GPHN: variants seen among roughly 807,000 people sequenced by gnomAD.
GPHN encodes gephyrin.
A neutral mutation model predicts 95.5 loss-of-function variants in GPHN; 17 were observed. That is an observed-to-expected ratio of 0.18 (90% confidence interval 0.12 to 0.27). The LOEUF (loss-of-function observed/expected upper bound fraction) is 0.27. Ranked by LOEUF, GPHN falls within the 10% of genes least tolerant of loss-of-function variation. GPHN has a pLI of 1.00. For missense variants in GPHN, 660 were observed against 978.1 expected, an observed-to-expected ratio of 0.67 and a Z score of 4.34; for synonymous variants, 320 against 322.5, an observed-to-expected ratio of 0.99 and a Z score of 0.08.
At chr14:66,709,132 G>A (rs972021774) in intron 2 of GPHN, among the ~76,000 whole-genome samples, 14 of 152,054 alleles carry the variant, frequency 9.2e-5, no homozygotes, top group Non-Finnish European at 2.1e-4. Flanking sequence ...TTAATATAAT[G>A]CCTCTTTCTG....
intron 2 of GPHN, among the ~76,000 whole-genome samples, chr14:66,719,933 T>A (rs924216939): frequency 7.9e-5 from 12 of 152,218 alleles, no homozygotes; most frequent in Non-Finnish European, 1.8e-4. Flanking sequence ...AATTTGCCAT[T>A]TTCTAAAGAG....
chr14:67,616,669 T>C, the GPHN span: 1 of 149,408 alleles, frequency 6.7e-6, no homozygotes, highest in East Asian at 1.9e-4. Flanking sequence ...ATGCTTGGGA[T>C]CAGGAGTGTT....
At chr14:67,565,532 G>C in the GPHN span, among the ~76,000 whole-genome samples, 2 of 152,214 alleles carry the variant, frequency 1.3e-5, no homozygotes. Flanking sequence ...CTGAGAGCCA[G>C]GCTTTAAATG....
At chr14:66,975,558 T>G (rs1198936009) in intron 9 of GPHN, among the ~76,000 whole-genome samples, 2 of 152,082 alleles carry the variant, frequency 1.3e-5, no homozygotes, top group Non-Finnish European at 2.9e-5. Flanking sequence ...CACAGCATAT[T>G]GAGTACCAGC....
the GPHN span, among the ~76,000 whole-genome samples, chr14:67,409,319 G>A: frequency 6.6e-6 from 1 of 151,958 alleles, no homozygotes; most frequent in Non-Finnish European, 1.5e-5. Flanking sequence ...CAAGGCCAGG[G>A]GATCACTTGA....
At chr14:66,516,777 C>T (rs2058263042) in intron 1 of GPHN, among the ~76,000 whole-genome samples, 1 of 152,156 alleles carries the variant, frequency 6.6e-6, no homozygotes, top group African/African-American at 2.4e-5. Context: ...CATTAATGTG[C>T]ACTTGAAATT....
intron 1 of GPHN, among the ~76,000 whole-genome samples, chr14:66,563,453 C>T (rs1473837158): frequency 1.1e-4 from 16 of 152,064 alleles, no homozygotes; most frequent in Non-Finnish European, 7.4e-5. Flanking sequence ...CACTCCTTTT[C>T]CTTTTAGCTC....
intron 1 of GPHN, among the ~76,000 whole-genome samples, chr14:66,568,664 C>T (rs1438589945): frequency 6.6e-6 from 1 of 152,048 alleles, no homozygotes; most frequent in Admixed American, 6.5e-5. Flanking sequence ...GTACATTAAA[C>T]AGATTGAATT....
At chr14:66,918,476 C>A (rs781056696) in intron 6 of GPHN, among the ~76,000 whole-genome samples, 1 of 152,146 alleles carries the variant, frequency 6.6e-6, no homozygotes, top group Non-Finnish European at 1.5e-5. Flanking sequence ...CACTTAGGAA[C>A]TTTTATGCAG....
intron 3 of GPHN, among the ~76,000 whole-genome samples, chr14:66,811,530 C>T (rs367880991): frequency 7.0e-6 from 1 of 142,836 alleles, no homozygotes; most frequent in African/African-American, 2.7e-5. Context: ...TCACTTAAGA[C>T]TACTCTTACA....
chr14:67,361,332 A>G, the GPHN span, among the ~76,000 whole-genome samples: 1 of 152,242 alleles, frequency 6.6e-6, no homozygotes, highest in Admixed American at 6.5e-5. Context: ...GGTGACTTGT[A>G]CAGAACTTTG....
At chr14:67,021,576 T>G (rs2073630618) in intron 9 of GPHN, among the ~76,000 whole-genome samples, 4 of 152,084 alleles carry the variant, frequency 2.6e-5, no homozygotes, top group Admixed American at 2.6e-4. Context: ...TTTGGTTTGG[T>G]TTGGGTTTTT....
At chr14:67,648,253 G>T in the GPHN span, 4 of 1,508,594 alleles carry the variant, frequency 2.7e-6, no homozygotes, top group South Asian at 1.3e-5. Flanking sequence ...TGCCTGCAAA[G>T]GATCTTTTCT....
chr14:66,900,424 G>A (rs867120962), intron 5 of GPHN, among the ~76,000 whole-genome samples: 1 of 150,478 alleles, frequency 6.6e-6, no homozygotes, highest in Admixed American at 6.6e-5. Context: ...TCATCTTAAT[G>A]TATCTTTTTA....
chr14:66,667,504 G>A (rs1326161700), intron 1 of GPHN, among the ~76,000 whole-genome samples: 2 of 152,048 alleles, frequency 1.3e-5, no homozygotes, highest in African/African-American at 2.4e-5. Context: ...GACTGCACAT[G>A]TACAACTATC....
the GPHN span, among the ~76,000 whole-genome samples, chr14:67,552,377 G>A: frequency 1.3e-5 from 2 of 152,192 alleles, no homozygotes; most frequent in Non-Finnish European, 2.9e-5. Context: ...TGATGCTGGG[G>A]CTAAAGTGTT....
intron 9 of GPHN, among the ~76,000 whole-genome samples, chr14:66,989,169 T>A (rs1254742249): frequency 2.0e-5 from 3 of 152,012 alleles, no homozygotes. Flanking sequence ...CTACTCTTTG[T>A]TTTCTGCACA....
At position 66,680,999 on chromosome 14, in the gene GPHN, GAA is replaced by G. The variant is rs10711873; in HGVS notation, c.65-98_65-97del. On this transcript the variant is annotated intron_variant, in intron 1 of 22. Transcript: ENST00000478722. The stretch of plus-strand genomic sequence containing the variant: ...TCAATAGTAATGTTTGGGGAAAAAT[GAA>G]AAAAAAAAAGCTATTTTTCATTTCA... 0.031 allele frequency: 17,016 copies of G among 556,914 alleles called. 662 individuals are homozygous for G. Among genetic ancestry groups the G allele is most frequent in the African/African-American group, 0.12 (6,247 of 52,160 alleles). 34.5% of individuals were successfully genotyped at this position (556,914 alleles called of 1,614,324 possible). A position where few individuals can be genotyped will look rare whatever the true frequency, so the allele number is the denominator to read the frequency against.
chr14:67,627,341 G>A, the GPHN span, among the ~76,000 whole-genome samples: 2 of 150,118 alleles, frequency 1.3e-5, no homozygotes, highest in African/African-American at 2.5e-5. Flanking sequence ...TAATTATAGG[G>A]TGTTTACAAC....
Sources: gnomAD v4.1 joint callset for allele counts (sites outside exome capture counted in the v4.1 genomes callset) on GRCh38, gnomAD v4.1.1 for gene constraint, MANE v1.5 for transcripts, NCBI Gene and HGNC (gene_info 2026-07-23, HGNC 2026-07-21) for gene names.